DAGLB: variants seen among roughly 807,000 people sequenced by gnomAD.
DAGLB encodes the protein diacylglycerol lipase-beta.
DAGLB carries 66 observed loss-of-function variants against 72.1 expected under a neutral mutation model. The ratio of observed to expected loss-of-function variants is 0.92; its 90% CI spans 0.75 to 1.12. The LOEUF (loss-of-function observed/expected upper bound fraction) is 1.12. DAGLB is among the 50% of genes most tolerant of loss of function. DAGLB has a pLI of 0.00. For synonymous variants in DAGLB, 414 were observed against 359.5 expected (o/e 1.15, Z -1.71); for missense variants, 1,065 against 884.9 (o/e 1.20, Z -2.58).
At chr7:6,447,694 GC>G in intron 1 of DAGLB, 53 bp downstream of exon 1, 1 of 1,572,466 alleles carries the variant, frequency 6.4e-7, no homozygotes, top group East Asian at 2.3e-5. Flanking sequence ...GGGACAGCTC[GC>G]CCCCCGCTCC....
At chr7:6,431,360 C>A (rs1005116980) in intron 5 of DAGLB, among the ~76,000 whole-genome samples, 3 of 152,092 alleles carry the variant, frequency 2.0e-5, no homozygotes, top group African/African-American at 7.2e-5. Context: ...GCTTCTGCCC[C>A]CAGCCCCAGA....
In DAGLB at chr7:6,409,938, T is replaced by C; in HGVS notation, c.1918A>G (p.Met640Val). 1 of 1,614,146 alleles carries C rather than the reference T, an allele frequency of 6.2e-7. No individual in the cohort carries two copies. The highest frequency in any genetic ancestry group is 8.5e-7 in the Non-Finnish European group (1 of 1,180,040). ...AAGGCCCGCATCAGGATGTCTGGCA[T>C]GTGGTCGGTGAGCATCTTCGGACCT... ...LIGPKMLTDH[M>V]PDILMRALDS... Residue 640 changes from methionine (M) to valine (V), a missense_variant, in exon 15 of 15, where the codon ATG becomes GTG. Physicochemically the swap from Met to Val is conservative, Grantham distance 21 (BLOSUM62 1). Transcript: ENST00000297056.
At chr7:6,434,346 C>T (rs1304872508) in intron 4 of DAGLB, among the ~76,000 whole-genome samples, 1 of 152,138 alleles carries the variant, frequency 6.6e-6, no homozygotes, top group African/African-American at 2.4e-5. Flanking sequence ...GTAGCATCGT[C>T]GATCATTTCC....
At chr7:6,434,308 A>C (rs1396013938) in intron 4 of DAGLB, among the ~76,000 whole-genome samples, 1 of 152,098 alleles carries the variant, frequency 6.6e-6, no homozygotes, top group Non-Finnish European at 1.5e-5. Flanking sequence ...TCTGTGCTGC[A>C]ATCATCTATT....
intron 9 of DAGLB, among the ~76,000 whole-genome samples, chr7:6,419,691 G>A (rs1432533132): frequency 6.6e-6 from 1 of 152,240 alleles, no homozygotes; most frequent in East Asian, 1.9e-4. Context: ...TCCTCAGCTT[G>A]TGGTCACATA....
At chr7:6,421,968 C>T (rs763266116) in intron 8 of DAGLB, 164 bp from the exon 9 acceptor site, 21 of 792,822 alleles carry the variant, frequency 2.6e-5, no homozygotes, top group Middle Eastern at 2.3e-4. Flanking sequence ...GGAAACCCAG[C>T]GGTGGCTCCT....
rs775171923 is a variant in DAGLB, at chr7:6,412,836, A to T, written c.1544T>A (p.Val515Glu). The T allele has an allele frequency of 2.5e-6, 4 of 1,598,454 alleles. No individual in the cohort carries two copies. Among genetic ancestry groups the T allele is most frequent in the Non-Finnish European group, 3.4e-6 (4 of 1,170,964 alleles). The change falls in exon 13 of 15, where the codon GTG becomes GAG. Residue 515 changes from valine to glutamate, a missense_variant. Coordinates refer to ENST00000297056, the MANE Select transcript of DAGLB (RefSeq NM_139179.4). Reference protein sequence around the residue: ...LEDLKRRILRVVAHCNKPKYK... With the variant: ...LEDLKRRILREVAHCNKPKYK... ...CTTGGGTTTATTGCAGTGCGCGACC[A>T]CTCGCAAGATTCTTCTCTTCAGATC...
chr7:6,442,643 T>C (rs888916915), intron 2 of DAGLB, among the ~76,000 whole-genome samples: 2 of 152,216 alleles, frequency 1.3e-5, no homozygotes, highest in Non-Finnish European at 1.5e-5. Flanking sequence ...ACACATGGTT[T>C]CTTTCTTTCC....
At chr7:6,431,042 C>T (rs1463925590) in intron 5 of DAGLB, among the ~76,000 whole-genome samples, 3 of 152,162 alleles carry the variant, frequency 2.0e-5, no homozygotes, top group Non-Finnish European at 4.4e-5. Context: ...TCCCAAAGTG[C>T]TGGGAAGCCA....
intron 11 of DAGLB, 111 bp from the exon 12 acceptor site, chr7:6,413,145 T>C (rs1052611639): frequency 7.0e-6 from 8 of 1,140,044 alleles, no homozygotes; most frequent in African/African-American, 1.5e-5. Flanking sequence ...GCCTCAGCTC[T>C]GTTCTCTCTT....
At chr7:6,433,917 T>G (rs1784571072) in intron 4 of DAGLB, among the ~76,000 whole-genome samples, 2 of 151,954 alleles carry the variant, frequency 1.3e-5, no homozygotes, top group South Asian at 4.1e-4. Context: ...CTGCCTGTGA[T>G]GTAGATTACG....
At chr7:6,430,735 A>G (rs1298647411) in intron 5 of DAGLB, 128 bp from the exon 6 acceptor site, 3 of 1,115,536 alleles carry the variant, frequency 2.7e-6, no homozygotes, top group Non-Finnish European at 3.5e-6. Flanking sequence ...GAACTCTCAG[A>G]CGCCCACAGG....
chr7:6,416,887 C>A lies in DAGLB; in HGVS notation c.1253G>T (p.Arg418Leu). The A allele has an allele frequency of 1.2e-6, 2 of 1,614,174 alleles. No homozygotes were observed. Among genetic ancestry groups the A allele is most frequent in the African/African-American group, 2.7e-5 (2 of 75,062 alleles). ...ISQAARYVYQ[R>L]LINDGILSQA... ...GCTCAAAATCCCGTCGTTGATGAGT[C>A]GTTGGTAAACGTATCTGGCAGCTTG... The change falls in exon 10 of 15, where the codon CGA (arginine) becomes CTA (leucine). Residue 418 changes from arginine (R) to leucine (L), a missense_variant. Physicochemically the swap from Arg to Leu is moderately radical, Grantham distance 102 (BLOSUM62 -2). Transcript: ENST00000297056.
At chr7:6,436,576 G>A (rs762244307) in intron 2 of DAGLB, 43 bp from the exon 3 acceptor site, 2 of 1,610,328 alleles carry the variant, frequency 1.2e-6, no homozygotes, top group African/African-American at 1.3e-5. Context: ...TGCTTCCTCA[G>A]AGATGAAGAG....
At chr7:6,421,644 G>A (rs1347142293) in intron 9 of DAGLB, 83 bp downstream of exon 9, 2 of 1,417,318 alleles carry the variant, frequency 1.4e-6, no homozygotes, top group African/African-American at 1.4e-5. Flanking sequence ...GGCAGCGCGG[G>A]CTCTGTGCAG....
chr7:6,412,303 G>T (rs921935980), intron 13 of DAGLB, among the ~76,000 whole-genome samples: 10 of 152,158 alleles, frequency 6.6e-5, no homozygotes, highest in Non-Finnish European at 1.3e-4. Flanking sequence ...CCACAGTGTA[G>T]ATAAATGTGC....
chr7:6,434,465 AG>A (rs2115280383), intron 4 of DAGLB, among the ~76,000 whole-genome samples: 2 of 152,206 alleles, frequency 1.3e-5, no homozygotes, highest in South Asian at 4.1e-4. Flanking sequence ...TTATTCTCAA[AG>A]GGTACAGCGT....
At chr7:6,413,794 G>A (rs139571553) in intron 11 of DAGLB, among the ~76,000 whole-genome samples, 192 of 152,324 alleles carry the variant, frequency 1.3e-3, no homozygotes, top group African/African-American at 4.2e-3. Flanking sequence ...AGTGCGTCCC[G>A]CACAGCTGGG....
intron 9 of DAGLB, 102 bp from the exon 10 acceptor site, chr7:6,417,023 TC>T (rs1244470662): frequency 1.5e-6 from 2 of 1,333,592 alleles, no homozygotes; most frequent in Non-Finnish European, 2.1e-6. Flanking sequence ...TGTGAGTCTC[TC>T]CTGGGATCTG....
Sources: gnomAD v4.1 joint callset for allele counts (sites outside exome capture counted in the v4.1 genomes callset) on GRCh38, gnomAD v4.1.1 for gene constraint, MANE v1.5 for transcripts, NCBI Gene and HGNC (gene_info 2026-07-23, HGNC 2026-07-21) for gene names.